Variants in DEPDC5 observed in about 807,000 individuals in gnomAD.
DEPDC5 encodes the protein DEP domain containing 5, GATOR1 subcomplex subunit.
In DEPDC5, 73 loss-of-function variants were observed where a neutral mutation model predicts 217.3. That is an observed-to-expected ratio of 0.34 (90% CI 0.28 to 0.41). The LOEUF (loss-of-function observed/expected upper bound fraction) is 0.41. Among genes scored for constraint, DEPDC5 ranks in the 10% least tolerant of loss-of-function variants. The probability of loss-of-function intolerance (pLI) is 1.00; values close to 1 mark genes in which losing one functional copy is unlikely to be tolerated. For missense variants in DEPDC5, 1,675 were observed against 2,070.1 expected, an observed-to-expected ratio of 0.81 and a Z score of 3.70; for synonymous variants, 733 against 756.7, an observed-to-expected ratio of 0.97 and a Z score of 0.51.
intron 23 of DEPDC5, 37 bp downstream of exon 23, chr22:31,821,674 G>A (rs1439807332): frequency 6.2e-7 from 1 of 1,601,762 alleles, no homozygotes; most frequent in Non-Finnish European, 8.5e-7. Context: ...GGTAACCTGA[G>A]AACACTCTCC....
rs752937686 is a variant in DEPDC5, at chr22:31,837,048, T to C, written c.2247T>C (p.Thr749=). The C allele has an allele frequency of 4.3e-6, 7 of 1,614,022 alleles. No homozygotes were observed. The highest frequency in any genetic ancestry group is 2.2e-5 in the East Asian group (1 of 44,876). ...TVGVDWKSLT[T]PACLPLTTDY... Reference sequence around the variant, plus strand: ...GAGTGGACTGGAAGTCTCTCACTACTCCGGCGTGCCTCCCCCTTACCACCG... The same window carrying C: ...GAGTGGACTGGAAGTCTCTCACTACCCCGGCGTGCCTCCCCCTTACCACCG... The change falls in exon 26 of 43, where the codon ACT becomes ACC. Residue 749 remains threonine, a synonymous_variant. Coordinates refer to ENST00000651528, the MANE Select transcript of DEPDC5 (RefSeq NM_001242896.3).
intron 40 of DEPDC5, among the ~76,000 whole-genome samples, chr22:31,901,515 C>T (rs1569241870): frequency 2.0e-5 from 3 of 152,172 alleles, no homozygotes; most frequent in African/African-American, 4.8e-5. Context: ...CCTTCCTAGA[C>T]CCAGCTATAG....
At chr22:31,804,305 A>G (rs1308232644) in intron 16 of DEPDC5, 82 bp downstream of exon 16, 5 of 1,344,902 alleles carry the variant, frequency 3.7e-6, no homozygotes, top group Admixed American at 1.8e-5. Context: ...TGTGGCATGC[A>G]CTTATAGTCC....
intron 33 of DEPDC5, among the ~76,000 whole-genome samples, chr22:31,863,517 G>A (rs2092585254): frequency 6.6e-6 from 1 of 152,118 alleles, no homozygotes; most frequent in Non-Finnish European, 1.5e-5. Context: ...AGACTCAGGA[G>A]AGGCACACAA....
intron 7 of DEPDC5, among the ~76,000 whole-genome samples, chr22:31,776,303 G>A (rs1469953053): frequency 2.0e-5 from 3 of 151,760 alleles, no homozygotes; most frequent in African/African-American, 7.3e-5. Context: ...ATAGCGACAG[G>A]GTCTCACTAT....
intron 38 of DEPDC5, among the ~76,000 whole-genome samples, chr22:31,886,808 C>T (rs2093325738): frequency 6.8e-6 from 1 of 147,184 alleles, no homozygotes; most frequent in East Asian, 2.0e-4. Context: ...TGGTGGTTCA[C>T]GCCTGTAATC....
intron 33 of DEPDC5, among the ~76,000 whole-genome samples, chr22:31,866,042 G>A (rs2092679300): frequency 6.6e-6 from 1 of 152,176 alleles, no homozygotes; most frequent in African/African-American, 2.4e-5. Flanking sequence ...CCTTGTAGCT[G>A]ATGACCCACC....
At chr22:31,834,245 G>T in intron 25 of DEPDC5, 1 of 460,322 alleles carries the variant, frequency 2.2e-6, no homozygotes, top group South Asian at 2.9e-5. Context: ...CCCCCATGCT[G>T]GTCCAGAGCT....
chr22:31,835,544 G>T (rs2090930230), intron 25 of DEPDC5, among the ~76,000 whole-genome samples: 1 of 152,150 alleles, frequency 6.6e-6, no homozygotes, highest in Non-Finnish European at 1.5e-5. Flanking sequence ...CAAGATTTTT[G>T]TAATCCTGAG....
In DEPDC5 at chr22:31,815,100, C is replaced by T; in HGVS notation, c.1554C>T (p.Ser518=). ...CACTGCCCACTGAGGAAGTGAGGAG[C>T]CAGGCTTCTGACGACAGCTCCCTAG... ...SRTLPTEEVR[S]QASDDSSLGK... is the part of the protein sequence containing the mutation. The change falls in exon 21 of 43, where the codon AGC becomes AGT. Residue 518 remains serine, a synonymous_variant. Transcript: ENST00000651528. 6.2e-7 allele frequency: 1 copy of T among 1,614,206 alleles called. No homozygotes were observed. Among genetic ancestry groups the T allele is most frequent in the Non-Finnish European group, 8.5e-7 (1 of 1,180,038 alleles).
At chr22:31,821,376 G>T in intron 22 of DEPDC5, 126 bp from the exon 23 acceptor site, 1 of 1,322,092 alleles carries the variant, frequency 7.6e-7, no homozygotes, top group Non-Finnish European at 1.1e-6. Context: ...ACCCTCTGTG[G>T]TGTGTTCTTC....
At chr22:31,863,018 A>AT (rs1310967802) in intron 33 of DEPDC5, among the ~76,000 whole-genome samples, 1 of 151,942 alleles carries the variant, frequency 6.6e-6, no homozygotes, top group Admixed American at 6.6e-5. Context: ...TACACAGCTA[A>AT]TTTTTTATTT....
intron 20 of DEPDC5, among the ~76,000 whole-genome samples, chr22:31,813,065 C>T (rs1215269705): frequency 1.3e-5 from 2 of 152,068 alleles, no homozygotes; most frequent in Non-Finnish European, 2.9e-5. Flanking sequence ...TAGCTTTAAG[C>T]GCAACTGAGT....
At chr22:31,754,560 G>T (rs1026835303) in intron 1 of DEPDC5, among the ~76,000 whole-genome samples, 2 of 152,244 alleles carry the variant, frequency 1.3e-5, no homozygotes, top group African/African-American at 4.8e-5. Flanking sequence ...GGGTGTTATT[G>T]GTGTAGATGG....
chr22:31,858,624 A>G (rs909189689), intron 32 of DEPDC5: 2 of 152,242 alleles, frequency 1.3e-5, no homozygotes, highest in Non-Finnish European at 2.9e-5. Context: ...TTTTAAAAAT[A>G]ATTATATACT....
At chr22:31,845,328 T>G in intron 30 of DEPDC5, 91 bp downstream of exon 30, 1 of 1,460,658 alleles carries the variant, frequency 6.8e-7, no homozygotes, top group Non-Finnish European at 9.3e-7. Context: ...ATCAGCCTAC[T>G]TATTTACTCC....
chr22:31,852,317 TTTTA>T (rs1330246578), intron 31 of DEPDC5, among the ~76,000 whole-genome samples: 2 of 151,730 alleles, frequency 1.3e-5, no homozygotes, highest in African/African-American at 2.4e-5. Context: ...TATGTTTTCC[TTTTA>T]TTTATTTATT....
chr22:31,820,427 T>G (rs2089577533), intron 22 of DEPDC5, among the ~76,000 whole-genome samples: 1 of 152,174 alleles, frequency 6.6e-6, no homozygotes, highest in African/African-American at 2.4e-5. Context: ...TTTATTTTAT[T>G]TTTTTCATGG....
intron 34 of DEPDC5, among the ~76,000 whole-genome samples, chr22:31,871,869 C>A (rs1353054946): frequency 1.3e-5 from 2 of 152,182 alleles, no homozygotes; most frequent in Non-Finnish European, 2.9e-5. Context: ...AAATGGGCTG[C>A]ACTTAGAGGT....
Sources: allele counts gnomAD v4.1 joint callset (sites outside exome capture counted in the v4.1 genomes callset), GRCh38; gene constraint gnomAD v4.1.1; transcripts MANE v1.5; gene names NCBI Gene and HGNC (gene_info 2026-07-23, HGNC 2026-07-21).